Variants in NEGR1 observed in about 807,000 individuals in gnomAD.
NEGR1 encodes the protein IgLON family member 4.
In NEGR1, 10 loss-of-function variants were observed where a neutral mutation model predicts 40.9. The observed-to-expected ratio is 0.24, with a 90% CI of 0.15 to 0.42. The LOEUF is 0.42. Ranked by LOEUF, NEGR1 falls within the 10% of genes least tolerant of loss-of-function variation. The pLI is 1.00. For synonymous variants in NEGR1, 185 were observed against 166.8 expected (o/e 1.11, Z -0.84); for missense variants, 352 against 438.9 (o/e 0.80, Z 1.77).
intron 1 of NEGR1, among the ~76,000 whole-genome samples, chr1:71,939,003 A>C (rs1168134632): frequency 6.6e-6 from 1 of 152,102 alleles, no homozygotes; most frequent in East Asian, 1.9e-4. Context: ...TTTTGATAGT[A>C]GTCAACACAG....
chr1:71,663,482 G>GA (rs1463343929), intron 4 of NEGR1, among the ~76,000 whole-genome samples: 4 of 152,008 alleles, frequency 2.6e-5, no homozygotes, highest in African/African-American at 9.7e-5. Context: ...AATTACAAAA[G>GA]AAAAAATGTG....
chr1:71,961,839 T>A (rs755715282), intron 1 of NEGR1, among the ~76,000 whole-genome samples: 5 of 152,116 alleles, frequency 3.3e-5, no homozygotes, highest in African/African-American at 4.8e-5. Flanking sequence ...ATGGACTTAG[T>A]TTGAAATTCC....
intron 3 of NEGR1, among the ~76,000 whole-genome samples, chr1:71,761,624 A>G (rs899896162): frequency 1.3e-5 from 2 of 152,174 alleles, no homozygotes; most frequent in African/African-American, 4.8e-5. Flanking sequence ...TGATTTCCAA[A>G]TATTGCTATG....
chr1:71,932,759 G>C lies in NEGR1; in HGVS notation c.409+2320C>G, dbSNP rs114614376. 2.7e-3 allele frequency among the ~76,000 whole-genome samples: 406 copies of C among 152,176 alleles called. 4 individuals carry two copies. Among genetic ancestry groups the C allele is most frequent in the Non-Finnish European group, 4.8e-3 (329 of 67,962 alleles). ...AAGGATTGTCAGATTGTTAGGCAAA[G>C]AGCATATGCTTCAAAACTATGCTGA... On this transcript the variant is annotated intron_variant, in intron 2 of 6. Transcript: ENST00000357731.
chr1:72,120,606 C>T (rs1281183205), intron 1 of NEGR1, among the ~76,000 whole-genome samples: 1 of 151,816 alleles, frequency 6.6e-6, no homozygotes, highest in African/African-American at 2.4e-5. Flanking sequence ...GTGCGCTGCA[C>T]CCACTAACTC....
At chr1:71,808,126 A>G (rs1657847794) in intron 2 of NEGR1, among the ~76,000 whole-genome samples, 2 of 152,186 alleles carry the variant, frequency 1.3e-5, no homozygotes, top group African/African-American at 2.4e-5. Context: ...GAAAAAGCAA[A>G]ACATGCCAGT....
At chr1:72,269,166 TC>T (rs1655758639) in intron 1 of NEGR1, among the ~76,000 whole-genome samples, 1 of 151,764 alleles carries the variant, frequency 6.6e-6, no homozygotes, top group Non-Finnish European at 1.5e-5. Flanking sequence ...TTGATTTTAT[TC>T]ATTGATGGCA....
At chr1:71,784,149 A>C (rs1390607830) in intron 2 of NEGR1, among the ~76,000 whole-genome samples, 1 of 152,080 alleles carries the variant, frequency 6.6e-6, no homozygotes, top group Non-Finnish European at 1.5e-5. Context: ...CACCCAGCTA[A>C]TCATCAGGGA....
At chr1:71,851,304 A>G (rs2101813018) in intron 2 of NEGR1, among the ~76,000 whole-genome samples, 1 of 152,284 alleles carries the variant, frequency 6.6e-6, no homozygotes, top group African/African-American at 2.4e-5. Flanking sequence ...TTTTACAAAT[A>G]CATCCTAGGT....
chr1:71,663,133 A>G (rs1335085121), intron 4 of NEGR1, among the ~76,000 whole-genome samples: 1 of 151,144 alleles, frequency 6.6e-6, no homozygotes, highest in Admixed American at 6.6e-5. Flanking sequence ...ATTTTTTTGT[A>G]TTTTTAGTAG....
intron 6 of NEGR1, among the ~76,000 whole-genome samples, chr1:71,509,286 G>T (rs1647057578): frequency 6.6e-6 from 1 of 152,200 alleles, no homozygotes. Flanking sequence ...AATCAGACTT[G>T]TAAGAGTCTG....
intron 1 of NEGR1, among the ~76,000 whole-genome samples, chr1:72,060,679 G>A (rs952700811): frequency 2.0e-5 from 3 of 151,602 alleles, no homozygotes; most frequent in Non-Finnish European, 3.0e-5. Context: ...TTCAATTTGA[G>A]TAGTACTCAG....
chr1:72,267,725 G>T (rs1655696267), intron 1 of NEGR1, among the ~76,000 whole-genome samples: 1 of 151,000 alleles, frequency 6.6e-6, no homozygotes, highest in Non-Finnish European at 1.5e-5. Context: ...TTGCTTTGTT[G>T]GTAAAATAAA....
At chr1:72,054,860 T>C (rs1184988001) in intron 1 of NEGR1, among the ~76,000 whole-genome samples, 2 of 151,168 alleles carry the variant, frequency 1.3e-5, no homozygotes, top group African/African-American at 2.4e-5. Flanking sequence ...GATTCTAATA[T>C]AACCTTTGAG....
chr1:71,946,944 G>A lies in NEGR1; in HGVS notation c.177-11633C>T, dbSNP rs1461855494. Among the ~76,000 whole-genome samples, 4 of 151,138 alleles carry A rather than the reference G, an allele frequency of 2.6e-5. No homozygotes were observed. In the East Asian group the frequency reaches 7.8e-4, roughly 29 times the overall value. The stretch of plus-strand genomic sequence containing the variant: ...AAAATTACATAACTTAGCTAGACAT[G>A]GTGGTGTGCTCCTGTAGTCCTAGCT... On this transcript the variant is annotated intron_variant, in intron 1 of 6. Transcript: ENST00000357731.
At chr1:71,838,516 T>C (rs912870068) in intron 2 of NEGR1, among the ~76,000 whole-genome samples, 6 of 152,264 alleles carry the variant, frequency 3.9e-5, no homozygotes, top group Admixed American at 3.3e-4. Flanking sequence ...CATTAAGGTG[T>C]TGATAATGCC....
At chr1:71,992,811 T>C (rs1259079331) in intron 1 of NEGR1, among the ~76,000 whole-genome samples, 3 of 152,184 alleles carry the variant, frequency 2.0e-5, no homozygotes, top group Non-Finnish European at 4.4e-5. Flanking sequence ...GCTAGAAAAC[T>C]GAGTTTTTAA....
intron 6 of NEGR1, among the ~76,000 whole-genome samples, chr1:71,451,248 T>G (rs1646625667): frequency 1.3e-5 from 2 of 152,108 alleles, no homozygotes; most frequent in Non-Finnish European, 2.9e-5. Context: ...AGTTCTGAGG[T>G]TTTTTTACTT....
chr1:72,102,217 G>T (rs1465517475), intron 1 of NEGR1, among the ~76,000 whole-genome samples: 1 of 151,968 alleles, frequency 6.6e-6, no homozygotes, highest in Non-Finnish European at 1.5e-5. Context: ...TTTGTATGAT[G>T]AAAAAATTTA....
Sources: gnomAD v4.1 joint callset for allele counts (sites outside exome capture counted in the v4.1 genomes callset) on GRCh38, gnomAD v4.1.1 for gene constraint, MANE v1.5 for transcripts, NCBI Gene and HGNC (gene_info 2026-07-23, HGNC 2026-07-21) for gene names.